SEMA6D: variants seen among roughly 807,000 people sequenced by gnomAD.
SEMA6D encodes the protein semaphorin 6D, also known as semaphorin-6D.
A neutral mutation model predicts 106.6 loss-of-function variants in SEMA6D; 35 were observed. The ratio of observed to expected loss-of-function variants is 0.33; its 90% confidence interval spans 0.25 to 0.44. The LOEUF (loss-of-function observed/expected upper bound fraction) is 0.44. Among genes scored for constraint, SEMA6D ranks in the 20% least tolerant of loss-of-function variants. The pLI, the probability that SEMA6D is intolerant of heterozygous loss-of-function variation, is 1.00. For missense variants in SEMA6D, 1,185 were observed against 1,345.9 expected, an observed-to-expected ratio of 0.88 and a Z score of 1.87; for synonymous variants, 499 against 487.7, an observed-to-expected ratio of 1.02 and a Z score of -0.31.
chr15:47,689,557 T>A (rs1377922049), intron 4 of SEMA6D, among the ~76,000 whole-genome samples: 1 of 152,230 alleles, frequency 6.6e-6, no homozygotes. Flanking sequence ...TGCATTGCTT[T>A]CTTCAGGTCT....
rs1402083359 is a variant in SEMA6D at position 47,210,439 on chromosome 15, A to T, written c.-239+26021A>T. Among the ~76,000 whole-genome samples the T allele has an allele frequency of 2.0e-5, 3 of 152,214 alleles. No homozygotes were observed. In the East Asian group the frequency reaches 5.8e-4, roughly 29 times the overall value. The stretch of plus-strand genomic sequence containing the variant: ...ATTTCTTTGATCAAGTTACGTGCCC[A>T]AACCAGAATTGCTCTATTTTTTTTT... On this transcript the variant is annotated intron_variant, in intron 1 of 19. Coordinates refer to the SEMA6D transcript ENST00000558014.
At chr15:47,277,437 A>G (rs911993939) in intron 1 of SEMA6D, among the ~76,000 whole-genome samples, 1 of 152,016 alleles carries the variant, frequency 6.6e-6, no homozygotes, top group Non-Finnish European at 1.5e-5. Flanking sequence ...GCCTTTAGCA[A>G]ATCATCACCC....
chr15:47,295,533 A>G (rs1234880785), intron 1 of SEMA6D, among the ~76,000 whole-genome samples: 1 of 152,238 alleles, frequency 6.6e-6, no homozygotes, highest in Non-Finnish European at 1.5e-5. Flanking sequence ...TCCTAAAGAG[A>G]TAGCAAGACC....
chr15:47,670,819 A>C (rs772674302), intron 4 of SEMA6D, among the ~76,000 whole-genome samples: 1 of 152,192 alleles, frequency 6.6e-6, no homozygotes, highest in African/African-American at 2.4e-5. Flanking sequence ...CTACTCTGTC[A>C]ATTTCTAAGC....
rs1489053898 is a variant in SEMA6D, at chr15:47,452,613, TG to T, written c.-158-17860del. Among the ~76,000 whole-genome samples, 5 of 151,964 alleles carry T rather than the reference TG, an allele frequency of 3.3e-5. 1 individual carries two copies. The highest frequency in any genetic ancestry group is 4.1e-4 in the South Asian group (2 of 4,824). The stretch of plus-strand genomic sequence containing the variant: ...AAAAAAATCTTGAATTTTAATGGGA[TG>T]TTTTTGGGTTTGTTTTATTTTTTAA... On this transcript the variant is annotated intron_variant, in intron 2 of 19. Transcript: ENST00000558014.
intron 4 of SEMA6D, among the ~76,000 whole-genome samples, chr15:47,705,588 G>A (rs2078898072): frequency 1.3e-5 from 2 of 152,184 alleles, no homozygotes; most frequent in South Asian, 2.1e-4. Context: ...ATTCTTCCCT[G>A]ATTTTTTACC....
At chr15:47,295,454 G>T (rs1412671167) in intron 1 of SEMA6D, among the ~76,000 whole-genome samples, 3 of 152,118 alleles carry the variant, frequency 2.0e-5, no homozygotes, top group Non-Finnish European at 2.9e-5. Flanking sequence ...CCTTTTCAAG[G>T]CCTAATTTTA....
chr15:47,538,803 A>G (rs1180774030), intron 3 of SEMA6D, among the ~76,000 whole-genome samples: 5 of 152,224 alleles, frequency 3.3e-5, no homozygotes, highest in African/African-American at 1.2e-4. Flanking sequence ...TCATGTCAGA[A>G]CTTTGATGTA....
chr15:47,208,526 C>A (rs987828399), intron 1 of SEMA6D, among the ~76,000 whole-genome samples: 1 of 152,096 alleles, frequency 6.6e-6, no homozygotes, highest in Admixed American at 6.6e-5. Context: ...CTAGCCACTA[C>A]CCTCATCATT....
rs1405721017 is a variant in SEMA6D, at chr15:47,770,872, C to A, written c.2309C>A (p.Ala770Asp). ...DHRGQPPELA[A>D]LPTPESTPVL... ...CGAGGGCAACCTCCAGAGTTGGCTGCTCTTCCTACTCCTGAGTCTACACCC... is the reference window on the plus strand; with the variant it reads ...CGAGGGCAACCTCCAGAGTTGGCTGATCTTCCTACTCCTGAGTCTACACCC... The change falls in exon 19 of 19, where the codon GCT (alanine) becomes GAT (aspartate). Residue 770 changes from alanine to aspartate, a missense_variant. Ala to Asp is a moderately radical substitution (Grantham distance 126). Coordinates refer to ENST00000536845, the MANE Select transcript of SEMA6D (RefSeq NM_001358351.3). 3.7e-6 allele frequency: 6 copies of A among 1,613,716 alleles called. No homozygotes were observed. Among genetic ancestry groups the A allele is most frequent in the Non-Finnish European group, 5.1e-6 (6 of 1,179,910 alleles).
intron 1 of SEMA6D, among the ~76,000 whole-genome samples, chr15:47,292,311 G>A (rs1476963689): frequency 1.3e-5 from 2 of 152,158 alleles, no homozygotes; most frequent in Admixed American, 1.3e-4. Context: ...GTGAATGGCA[G>A]TGTGTTTGGT....
chr15:47,669,925 T>C (rs754094345), intron 4 of SEMA6D, among the ~76,000 whole-genome samples: 4 of 152,230 alleles, frequency 2.6e-5, no homozygotes, highest in African/African-American at 4.8e-5. Context: ...TGTGAGGTTT[T>C]GATAACTTTT....
intron 1 of SEMA6D, among the ~76,000 whole-genome samples, chr15:47,377,395 C>T (rs1350117688): frequency 6.6e-6 from 1 of 152,100 alleles, no homozygotes; most frequent in East Asian, 1.9e-4. Context: ...TTTGTAGCTG[C>T]TTGTAAGCAC....
chr15:47,344,983 A>C (rs1168990900), intron 1 of SEMA6D, among the ~76,000 whole-genome samples: 3 of 152,194 alleles, frequency 2.0e-5, no homozygotes, highest in Non-Finnish European at 4.4e-5. Flanking sequence ...CTTCGGAATA[A>C]AGCTGAAACA....
At chr15:47,193,475 A>G (rs1303229882) in intron 1 of SEMA6D, among the ~76,000 whole-genome samples, 3 of 152,272 alleles carry the variant, frequency 2.0e-5, no homozygotes, top group South Asian at 4.1e-4. Context: ...TTGTAATCTC[A>G]AGAATAAGGA....
At chr15:47,239,662 A>G (rs2032782718) in intron 1 of SEMA6D, among the ~76,000 whole-genome samples, 1 of 152,038 alleles carries the variant, frequency 6.6e-6, no homozygotes, top group African/African-American at 2.4e-5. Flanking sequence ...AGCAGTGTGT[A>G]AGAGCCTGGC....
chr15:47,761,398 C>A lies in SEMA6D; in HGVS notation c.414C>A (p.Thr138=). ...RNDEMVFVCG[T]NAFNPMCRYY... Reference sequence around the variant, plus strand: ...ATGAGATGGTTTTTGTTTGTGGTACCAATGCATTCAATCCCATGTGTAGAT... The same window carrying A: ...ATGAGATGGTTTTTGTTTGTGGTACAAATGCATTCAATCCCATGTGTAGAT... The change falls in exon 6 of 19, where the codon ACC becomes ACA. Residue 138 remains threonine, a synonymous_variant. Transcript: ENST00000536845. 1 of 1,613,060 alleles carries A rather than the reference C, an allele frequency of 6.2e-7. No homozygotes were observed. The highest frequency in any genetic ancestry group is 2.2e-5 in the East Asian group (1 of 44,824).
intron 3 of SEMA6D, among the ~76,000 whole-genome samples, chr15:47,498,006 A>G (rs2043726374): frequency 6.6e-6 from 1 of 152,122 alleles, no homozygotes; most frequent in Non-Finnish European, 1.5e-5. Context: ...ATCTCTTTGT[A>G]TACTGTGGTC....
intron 1 of SEMA6D, among the ~76,000 whole-genome samples, chr15:47,261,077 T>C (rs745381837): frequency 6.6e-6 from 1 of 152,190 alleles, no homozygotes; most frequent in Non-Finnish European, 1.5e-5. Flanking sequence ...GGGTTTATAA[T>C]TGTACACAGC....
Sources: allele counts gnomAD v4.1 joint callset (sites outside exome capture counted in the v4.1 genomes callset), GRCh38; gene constraint gnomAD v4.1.1; transcripts MANE v1.5; gene names NCBI Gene and HGNC (gene_info 2026-07-23, HGNC 2026-07-21).